Variants in LRFN5 observed in about 807,000 individuals in gnomAD.
LRFN5 encodes the protein leucine rich repeat and fibronectin type III domain containing 5, also known as leucine-rich repeat and fibronectin type-III domain-containing protein 5.
Under a neutral mutation model 45.6 loss-of-function variants are expected in LRFN5, and 24 were observed. The ratio of observed to expected loss-of-function variants is 0.53; its 90% CI spans 0.38 to 0.74. The LOEUF (loss-of-function observed/expected upper bound fraction) is 0.74, where lower values mean the gene tolerates loss of function less well. Among genes scored for constraint, LRFN5 ranks in the 30% least tolerant of loss-of-function variants. LRFN5 has a pLI of 0.00. For missense variants in LRFN5, 776 were observed against 861.5 expected (o/e 0.90, Z 1.24); for synonymous variants, 340 against 313.8 (o/e 1.08, Z -0.88).
chr14:41,640,901 A>G (rs1879544344), intron 1 of LRFN5, among the ~76,000 whole-genome samples: 1 of 152,068 alleles, frequency 6.6e-6, no homozygotes. Flanking sequence ...TTGTATCAGC[A>G]AAATATGGGA....
chr14:41,685,378 C>T (rs1345198599), intron 1 of LRFN5, among the ~76,000 whole-genome samples: 1 of 152,070 alleles, frequency 6.6e-6, no homozygotes, highest in African/African-American at 2.4e-5. Flanking sequence ...TTCACAATAA[C>T]CAAGATTTTA....
chr14:41,615,110 A>G (rs1429520558), intron 1 of LRFN5, among the ~76,000 whole-genome samples: 1 of 152,106 alleles, frequency 6.6e-6, no homozygotes, highest in Non-Finnish European at 1.5e-5. Flanking sequence ...GCATTAGGCA[A>G]CTTGTAAGTT....
At chr14:41,687,419 G>C (rs1382330493) in intron 1 of LRFN5, among the ~76,000 whole-genome samples, 1 of 152,198 alleles carries the variant, frequency 6.6e-6, no homozygotes, top group African/African-American at 2.4e-5. Flanking sequence ...CACTGTGGAA[G>C]ACAGTAATGC....
chr14:41,757,554 G>A (rs1385704934), intron 1 of LRFN5, among the ~76,000 whole-genome samples: 1 of 152,200 alleles, frequency 6.6e-6, no homozygotes, highest in African/African-American at 2.4e-5. Flanking sequence ...GACCCTCCGA[G>A]CCAGGTGTGG....
chr14:41,856,765 C>A (rs1389078959), intron 2 of LRFN5, among the ~76,000 whole-genome samples: 1 of 137,830 alleles, frequency 7.3e-6, no homozygotes, highest in Admixed American at 7.7e-5. Context: ...CAAGCTCCGC[C>A]TTCCGGGTTC....
rs117513763 is a variant in LRFN5, at chr14:41,858,719, T to C, written c.-20-27887T>C. Among the ~76,000 whole-genome samples the C allele has an allele frequency of 1.7e-4, 26 of 152,250 alleles. No homozygotes were observed. In the East Asian group the frequency reaches 2.1e-3, roughly 12 times the overall value. ...AACTCACTTTCACCACTCTTTATCC[T>C]CCCATGGTTTTACTCATTCCAGTGC... On this transcript the variant is annotated intron_variant, in intron 2 of 5. Transcript: ENST00000298119.
chr14:41,858,003 A>G (rs1889531570), intron 2 of LRFN5, among the ~76,000 whole-genome samples: 1 of 152,200 alleles, frequency 6.6e-6, no homozygotes, highest in Non-Finnish European at 1.5e-5. Flanking sequence ...AGGGGAATAT[A>G]ATACATTAGA....
chr14:41,649,929 G>A (rs1880014160), intron 1 of LRFN5, among the ~76,000 whole-genome samples: 1 of 151,886 alleles, frequency 6.6e-6, no homozygotes, highest in African/African-American at 2.4e-5. Flanking sequence ...CTTTCTTATT[G>A]GGCTTTAATA....
chr14:41,628,806 C>G (rs1888434089), intron 1 of LRFN5, among the ~76,000 whole-genome samples: 1 of 152,080 alleles, frequency 6.6e-6, no homozygotes, highest in Non-Finnish European at 1.5e-5. Flanking sequence ...TGTGATAAAA[C>G]AGGAAACTTC....
chr14:41,650,374 T>TTGTAATAGGTGAAATGGTTGAGGTCAATA (rs1368092484), intron 1 of LRFN5, among the ~76,000 whole-genome samples: 1 of 152,028 alleles, frequency 6.6e-6, no homozygotes, highest in Admixed American at 6.6e-5. Context: ...ATATGGTGAT[T>TTGTAATAGGTGAAATGGTTGAGGTCAATA]TGTAATAGGT....
intron 1 of LRFN5, among the ~76,000 whole-genome samples, chr14:41,701,920 G>A (rs73297720): frequency 0.044 from 6,663 of 152,134 alleles, 478 homozygotes; most frequent in African/African-American, 0.15. Flanking sequence ...TTACTATTAG[G>A]AATCTGCATT....
Position 41,891,614 on chromosome 14 carries a change from A to G in LRFN5, c.1750A>G (p.Thr584Ala). 1 of 1,614,222 alleles carries G rather than the reference A, an allele frequency of 6.2e-7. No homozygotes were observed. ...GGCTCAAATACAAGGCTGTAGTGTA[A>G]CGCTGCCCCAGTCCGTGTCCAAACA... ...NGAQIQGCSV[T>A]LPQSVSKQAV... Residue 584 changes from threonine (T) to alanine (A), a missense_variant, in exon 4 of 6, where the codon ACG becomes GCG. By Grantham distance (58) the Thr-to-Ala change is moderately conservative. Around this residue, in one of 2 missense-constraint regions of LRFN5, gnomAD observed 465 missense variants for 456.4 expected, o/e 1.02. Coordinates refer to ENST00000298119, the MANE Select transcript of LRFN5 (RefSeq NM_152447.5).
At chr14:41,868,303 A>G (rs1889905928) in intron 2 of LRFN5, among the ~76,000 whole-genome samples, 1 of 152,140 alleles carries the variant, frequency 6.6e-6, no homozygotes, top group African/African-American at 2.4e-5. Flanking sequence ...AAGAATGAAC[A>G]ATGGAATATG....
intron 2 of LRFN5, among the ~76,000 whole-genome samples, chr14:41,872,468 T>C (rs1890051867): frequency 1.3e-5 from 2 of 152,200 alleles, no homozygotes; most frequent in Admixed American, 1.3e-4. Context: ...AATAACAGAC[T>C]TTTCAAAATA....
chr14:41,750,598 T>A (rs1021482807), intron 1 of LRFN5, among the ~76,000 whole-genome samples: 4 of 152,158 alleles, frequency 2.6e-5, no homozygotes, highest in Non-Finnish European at 5.9e-5. Flanking sequence ...AGTTACCACT[T>A]ACGCAAAATT....
At chr14:41,886,015 G>C (rs1232865947) in intron 2 of LRFN5, among the ~76,000 whole-genome samples, 1 of 55,084 alleles carries the variant, frequency 1.8e-5, no homozygotes, top group African/African-American at 8.9e-5. Flanking sequence ...AGCAAGGCTC[G>C]TCTCAAAAAA....
chr14:41,799,070 G>A (rs1887234203), intron 2 of LRFN5, among the ~76,000 whole-genome samples: 1 of 151,888 alleles, frequency 6.6e-6, no homozygotes, highest in Non-Finnish European at 1.5e-5. Context: ...AAACTTAGTT[G>A]TATGTCCAAA....
intron 1 of LRFN5, among the ~76,000 whole-genome samples, chr14:41,649,295 G>C (rs1879974023): frequency 7.0e-6 from 1 of 143,726 alleles, no homozygotes; most frequent in Non-Finnish European, 1.5e-5. Context: ...TTAGTTTTTA[G>C]GCTAGAATTT....
At chr14:41,893,901 T>TG in intron 4 of LRFN5, 1 of 985,276 alleles carries the variant, frequency 1.0e-6, no homozygotes, top group Non-Finnish European at 1.2e-6. Context: ...AAGGAATAGA[T>TG]GAGGTCACAT....
Sources: gnomAD v4.1 joint callset for allele counts (sites outside exome capture counted in the v4.1 genomes callset) on GRCh38, gnomAD v4.1.1 for gene constraint, gnomAD v4.1.1 regional missense constraint, MANE v1.5 for transcripts, NCBI Gene and HGNC (gene_info 2026-07-23, HGNC 2026-07-21) for gene names.